TDRD3: variants seen among roughly 807,000 people sequenced by gnomAD.
TDRD3 encodes tudor domain containing 3.
A neutral mutation model predicts 86.7 loss-of-function variants in TDRD3; 45 were observed. That is an observed-to-expected ratio of 0.52 (90% CI 0.41 to 0.67). The LOEUF (loss-of-function observed/expected upper bound fraction) is 0.67. TDRD3 is among the 30% of genes least tolerant of loss of function. TDRD3 has a pLI of 0.00. For synonymous variants in TDRD3, 298 were observed against 301.7 expected (o/e 0.99, Z 0.13); for missense variants, 814 against 889.0 (o/e 0.92, Z 1.07).
intron 10 of TDRD3, among the ~76,000 whole-genome samples, chr13:60,511,915 C>G (rs1181414287): frequency 6.6e-6 from 1 of 152,104 alleles, no homozygotes; most frequent in Admixed American, 6.5e-5. Flanking sequence ...TTTCCTGACT[C>G]TGACTTAATG....
Position 60,494,541 on chromosome 13 carries a change from C to T in TDRD3, c.824C>T (p.Ser275Leu), listed in dbSNP as rs200771315. ...TTACAGAAAGAAAAGTCAACCAAAT[C>T]AGAGGGAAAACATGAAGGTGTCTAT... ...EVLQKEKSTK[S>L]EGKHEGVYRE... is the part of the protein sequence containing the mutation. Residue 275 changes from serine to leucine, a missense_variant, in exon 8 of 14, where the codon TCA (serine) becomes TTA (leucine). By Grantham distance (145) the Ser-to-Leu change is moderately radical. Transcript: ENST00000377881. 1 of 1,613,640 alleles carries T rather than the reference C, an allele frequency of 6.2e-7. No individual in the cohort carries two copies. The highest frequency in any genetic ancestry group is 2.2e-5 in the East Asian group (1 of 44,772).
chr13:60,550,189 A>G (rs1958016708), intron 12 of TDRD3, among the ~76,000 whole-genome samples: 1 of 152,144 alleles, frequency 6.6e-6, no homozygotes, highest in African/African-American at 2.4e-5. Context: ...AAGAAACACA[A>G]TACTATGAGG....
intron 1 of TDRD3, among the ~76,000 whole-genome samples, chr13:60,404,106 T>C (rs1440758141): frequency 1.3e-5 from 2 of 152,242 alleles, no homozygotes; most frequent in Admixed American, 6.5e-5. Context: ...TTTCCAGTAC[T>C]GATGATGTAT....
intron 8 of TDRD3, chr13:60,509,478 A>T (rs925530162): frequency 3.6e-5 from 10 of 278,806 alleles, no homozygotes; most frequent in Non-Finnish European, 6.8e-5. Flanking sequence ...CACTGTCTAT[A>T]TTATTTTCAA....
intron 4 of TDRD3, among the ~76,000 whole-genome samples, chr13:60,463,379 A>T (rs1955843645): frequency 6.6e-6 from 1 of 151,646 alleles, no homozygotes; most frequent in Non-Finnish European, 1.5e-5. Flanking sequence ...AAAAAAAAAA[A>T]AAAGATAAGA....
chr13:60,467,025 G>T (rs1245395330), intron 4 of TDRD3, among the ~76,000 whole-genome samples: 2 of 152,060 alleles, frequency 1.3e-5, no homozygotes, highest in Non-Finnish European at 2.9e-5. Context: ...AGGATGTGCA[G>T]ATTTGTTACA....
intron 8 of TDRD3, among the ~76,000 whole-genome samples, chr13:60,499,024 C>A (rs1334587887): frequency 6.6e-6 from 1 of 152,128 alleles, no homozygotes; most frequent in Non-Finnish European, 1.5e-5. Context: ...CTGGCAGAAC[C>A]CTCACACTGG....
intron 5 of TDRD3, among the ~76,000 whole-genome samples, chr13:60,470,431 T>C (rs1423187549): frequency 6.6e-6 from 1 of 152,192 alleles, no homozygotes; most frequent in Non-Finnish European, 1.5e-5. Context: ...TTTAATTTTT[T>C]GAAGAATTGC....
At chr13:60,513,740 G>A (rs1957108268) in intron 10 of TDRD3, among the ~76,000 whole-genome samples, 1 of 152,210 alleles carries the variant, frequency 6.6e-6, no homozygotes, top group Non-Finnish European at 1.5e-5. Flanking sequence ...CTCTTGGCCT[G>A]CTGCCATCCA....
Position 60,528,584 on chromosome 13 carries a change from A to G in TDRD3, c.1359A>G (p.Arg453=). 6.2e-7 allele frequency: 1 copy of G among 1,614,064 alleles called. No homozygotes were observed. The highest frequency in any genetic ancestry group is 8.5e-7 in the Non-Finnish European group (1 of 1,179,946). The stretch of plus-strand genomic sequence containing the variant: ...TACCTAGAAATAGAGGTTCTGAAAG[A>G]CCAAGTACTTCTTCAGTATCTGAAG... The part of the protein sequence containing the change: ...SGLPRNRGSE[R]PSTSSVSEVW... The change falls in exon 11 of 14, where the codon AGA becomes AGG. Residue 453 remains arginine (R), a synonymous_variant. Coordinates refer to ENST00000377881, the MANE Select transcript of TDRD3 (RefSeq NM_001146070.2).
At chr13:60,563,699 T>C (rs1958389767) in intron 12 of TDRD3, among the ~76,000 whole-genome samples, 1 of 152,238 alleles carries the variant, frequency 6.6e-6, no homozygotes, top group Non-Finnish European at 1.5e-5. Context: ...TTTGTATGCT[T>C]AGCTGCATTT....
At position 60,529,020 on chromosome 13, in the gene TDRD3, C is replaced by T. The variant is rs966650802; in HGVS notation, c.1795C>T (p.Arg599Ter). ...AGTAGAAATGCCACTGAAAGGAAGA[C>T]GAATAGGACCTATTAAGCCAGCAGG... Reference protein sequence around the residue: ...GEVEMPLKGRRIGPIKPAGPV... With the variant: ...GEVEMPLKGR Residue 599 changes from arginine to a stop codon, truncating the protein, a stop_gained, in exon 11 of 14, where the codon CGA becomes TGA. Coordinates refer to ENST00000377881, the MANE Select transcript of TDRD3 (RefSeq NM_001146070.2). LOFTEE classifies it high-confidence loss of function. The T allele has an allele frequency of 3.7e-6, 6 of 1,613,962 alleles. No individual in the cohort carries two copies. The highest frequency in any genetic ancestry group is 5.1e-6 in the Non-Finnish European group (6 of 1,179,944).
At chr13:60,471,944 T>C (rs531171862) in intron 5 of TDRD3, among the ~76,000 whole-genome samples, 1 of 152,274 alleles carries the variant, frequency 6.6e-6, no homozygotes, top group African/African-American at 2.4e-5. Flanking sequence ...CTTCTCTTGT[T>C]CTTGATCTTA....
At chr13:60,423,042 A>G (rs535311717) in intron 1 of TDRD3, among the ~76,000 whole-genome samples, 2 of 152,206 alleles carry the variant, frequency 1.3e-5, no homozygotes, top group Non-Finnish European at 2.9e-5. Flanking sequence ...TAAAATCCTT[A>G]GGACCGACAT....
chr13:60,513,678 G>C (rs995715080), intron 10 of TDRD3, among the ~76,000 whole-genome samples: 1 of 152,142 alleles, frequency 6.6e-6, no homozygotes, highest in Admixed American at 6.5e-5. Context: ...GATAGTGTAA[G>C]TCTCATGAGA....
chr13:60,525,086 C>CAAAAA (rs372010456), intron 10 of TDRD3, among the ~76,000 whole-genome samples: 186 of 39,590 alleles, frequency 4.7e-3, no homozygotes, highest in Non-Finnish European at 6.2e-3. Flanking sequence ...AATTTTCTCT[C>CAAAAA]AAAAAAAAAA....
At chr13:60,482,950 A>C (rs1453416973) in intron 5 of TDRD3, among the ~76,000 whole-genome samples, 1 of 152,074 alleles carries the variant, frequency 6.6e-6, no homozygotes, top group African/African-American at 2.4e-5. Context: ...TTAAGTAACA[A>C]CTAGTAAGAC....
chr13:60,482,048 C>T (rs990621805), intron 5 of TDRD3, among the ~76,000 whole-genome samples: 1 of 152,198 alleles, frequency 6.6e-6, no homozygotes, highest in Non-Finnish European at 1.5e-5. Context: ...ATGGTCTGAT[C>T]TGGCTGGATT....
chr13:60,556,166 A>G (rs546399824), intron 12 of TDRD3, among the ~76,000 whole-genome samples: 12 of 152,206 alleles, frequency 7.9e-5, no homozygotes, highest in African/African-American at 2.6e-4. Context: ...CTTTTAACCT[A>G]TTATTCCATT....
Sources: allele counts gnomAD v4.1 joint callset (sites outside exome capture counted in the v4.1 genomes callset), GRCh38; gene constraint gnomAD v4.1.1; transcripts MANE v1.5; gene names NCBI Gene and HGNC (gene_info 2026-07-23, HGNC 2026-07-21).